Variants in SAMD4B observed in about 807,000 individuals in gnomAD.
The protein encoded by SAMD4B is protein Smaug homolog 2.
SAMD4B carries 5 observed loss-of-function variants against 74.5 expected under a neutral mutation model. The ratio of observed to expected loss-of-function variants is 0.07; its 90% CI spans 0.04 to 0.14. The LOEUF (loss-of-function observed/expected upper bound fraction) is 0.14, where lower values mean the gene tolerates loss of function less well. Among genes scored for constraint, SAMD4B ranks in the 10% least tolerant of loss-of-function variants. The pLI is 1.00. For synonymous variants in SAMD4B, 373 were observed against 374.9 expected (o/e 1.00, Z 0.06); for missense variants, 608 against 921.8 (o/e 0.66, Z 4.41).
At chr19:39,369,361 C>T in intron 3 of SAMD4B, 1 of 386,150 alleles carries the variant, frequency 2.6e-6, no homozygotes, top group South Asian at 2.8e-5. Context: ...TGGAGCAGGT[C>T]AAAACTCCCG....
chr19:39,377,881 A>G (rs535947203), intron 8 of SAMD4B, 57 bp downstream of exon 8: 3 of 1,485,686 alleles, frequency 2.0e-6, no homozygotes, highest in East Asian at 4.6e-5. Flanking sequence ...AGTGAACCCA[A>G]GCACCAGGGA....
downstream of SAMD4B, chr19:39,386,747 C>T (rs1383063502): frequency 1.2e-6 from 2 of 1,614,140 alleles, no homozygotes; most frequent in African/African-American, 1.3e-5. This position sits in a 1 kb window ranked among gnomAD's most constrained non-coding sequence, Gnocchi z 6.1. Context: ...ACAAGCAGGG[C>T]GTTGGTGCCT....
intron 12 of SAMD4B, among the ~76,000 whole-genome samples, chr19:39,382,047 G>A (rs2078024850): frequency 6.6e-6 from 1 of 152,204 alleles, no homozygotes; most frequent in Admixed American, 6.5e-5. Flanking sequence ...CACTGGGGCT[G>A]CAGAGACAGA....
rs561531923 is a variant in SAMD4B at position 39,385,680 on chromosome 19, A to C, written c.*2153A>C. 2.2e-4 allele frequency: 119 copies of C among 537,782 alleles called. No individual in the cohort carries two copies. Among genetic ancestry groups the C allele is most frequent in the Middle Eastern group, 4.8e-4 (1 of 2,080 alleles). 33.3% of individuals were successfully genotyped at this position (537,782 alleles called of 1,614,324 possible). On this transcript the variant is annotated 3_prime_UTR_variant, in exon 14 of 14. Coordinates refer to ENST00000610417, the MANE Select transcript of SAMD4B (RefSeq NM_001384574.2). ...GTCTGGGCTTATTTTGGAAAAAAAA[A>C]AAACAAACAAAAAAAACGAATTCTG...
rs985217411 is a variant in SAMD4B at position 39,375,333 on chromosome 19, C to T, written c.668-317C>T. 1.1e-4 allele frequency among the ~76,000 whole-genome samples: 16 copies of T among 152,064 alleles called. No homozygotes were observed. The highest frequency in any genetic ancestry group is 1.9e-4 in the Non-Finnish European group (13 of 68,012). On this transcript the variant is annotated intron_variant, in intron 4 of 13. Coordinates refer to ENST00000610417, the MANE Select transcript of SAMD4B (RefSeq NM_001384574.2). The surrounding 1 kb of genome is among the most constrained non-coding windows in gnomAD (Gnocchi z 4.1). The stretch of plus-strand genomic sequence containing the variant: ...GGACCTTTATGGCTGTTGTGAGGGG[C>T]GTGGACTGTAGGAGGCAAGAGTGAA...
chr19:39,386,148 T>C (rs775845767), downstream of SAMD4B: 3 of 1,614,184 alleles, frequency 1.9e-6, no homozygotes, highest in Admixed American at 1.7e-5. This position sits in a 1 kb window ranked among gnomAD's most constrained non-coding sequence, Gnocchi z 6.1. Context: ...GTCTGAATCA[T>C]TGTCACTGCC....
chr19:39,369,249 T>C, intron 3 of SAMD4B: 1 of 249,374 alleles, frequency 4.0e-6, no homozygotes, highest in Non-Finnish European at 7.9e-6. Context: ...TGTGCTATGC[T>C]GATTGGGTGT....
At chr19:39,381,211 A>G (rs1220055567) in intron 12 of SAMD4B, 98 bp downstream of exon 12, 48 of 1,399,372 alleles carry the variant, frequency 3.4e-5, no homozygotes, top group Admixed American at 6.7e-5. Context: ...TCTAGACTGC[A>G]TTGGCACCTC....
chr19:39,383,823 C>A lies in SAMD4B; in HGVS notation c.*296C>A. ...TTTCCTTCCTCATCCCCACCTGGTC[C>A]CATCCCACCCCTGCCTCCTCCAGAC... On this transcript the variant is annotated 3_prime_UTR_variant, in exon 14 of 14. Transcript: ENST00000610417. This position sits in a 1 kb window ranked among gnomAD's most constrained non-coding sequence, Gnocchi z 4.1. 9.4e-7 allele frequency: 1 copy of A among 1,058,548 alleles called. No individual in the cohort carries two copies. Among genetic ancestry groups the A allele is most frequent in the Non-Finnish European group, 1.4e-6 (1 of 732,958 alleles). The allele number at this position is 1,058,548 out of a possible 1,614,324, so 65.6% of individuals were successfully genotyped here.
chr19:39,378,638 G>A lies in SAMD4B; in HGVS notation c.1530+49G>A, dbSNP rs763669323. ...AAAAAGGGAAAGGCGGCCAGGCGTG[G>A]TGGTTCACGCCTGTAGTCCCAGCAC... On this transcript the variant is annotated intron_variant, in intron 9 of 13. Coordinates refer to ENST00000610417, the MANE Select transcript of SAMD4B (RefSeq NM_001384574.2). This position sits in a 1 kb window ranked among gnomAD's most constrained non-coding sequence, Gnocchi z 4.4. 1.9e-5 allele frequency: 29 copies of A among 1,524,582 alleles called. No individual in the cohort carries two copies. Among genetic ancestry groups the A allele is most frequent in the Non-Finnish European group, 2.4e-5 (26 of 1,100,754 alleles). 94.4% of individuals were successfully genotyped at this position (1,524,582 alleles called of 1,614,324 possible).
intron 3 of SAMD4B, chr19:39,369,343 T>C (rs960777525): frequency 8.3e-5 from 28 of 337,884 alleles, no homozygotes; most frequent in African/African-American, 6.0e-4. Context: ...ACTGGCCCAG[T>C]TTGGAAATGG....
In SAMD4B at chr19:39,383,480, CCTCCCTTT is replaced by C. The variant is rs761974955; in HGVS notation, c.2057-16_2057-9del. The stretch of plus-strand genomic sequence containing the variant: ...CTCCAGCTCCTGATCTTCCTCCCTT[CCTCCCTTT>C]CTTACCACAGATGGGACAGACAAAA... On this transcript the variant is annotated splice_polypyrimidine_tract_variant and intron_variant, in intron 13 of 13. Coordinates refer to ENST00000610417, the MANE Select transcript of SAMD4B (RefSeq NM_001384574.2). This position sits in a 1 kb window ranked among gnomAD's most constrained non-coding sequence, Gnocchi z 4.1. The C allele has an allele frequency of 1.2e-6, 2 of 1,613,234 alleles. No individual in the cohort carries two copies. Among genetic ancestry groups the C allele is most frequent in the South Asian group, 1.1e-5 (1 of 91,070 alleles).
At chr19:39,388,321 T>C (rs746768996), downstream of SAMD4B, 1 of 1,613,766 alleles carries the variant, frequency 6.2e-7, no homozygotes, top group Non-Finnish European at 8.5e-7. Flanking sequence ...GCTAATCAGA[T>C]AGGAGTGTGC....
chr19:39,378,612 CAAAAAG>C lies in SAMD4B; in HGVS notation c.1530+24_1530+29del. On this transcript the variant is annotated intron_variant, in intron 9 of 13. Coordinates refer to ENST00000610417, the MANE Select transcript of SAMD4B (RefSeq NM_001384574.2). The surrounding 1 kb of genome is among the most constrained non-coding windows in gnomAD (Gnocchi z 4.4). ...GAGGTAAGGCCTTCCCTAGCATACT[CAAAAAG>C]GGAAAGGCGGCCAGGCGTGGTGGTT... 1 of 1,607,372 alleles carries C rather than the reference CAAAAAG, an allele frequency of 6.2e-7. No individual in the cohort carries two copies. Among genetic ancestry groups the C allele is most frequent in the Non-Finnish European group, 8.5e-7 (1 of 1,174,190 alleles).
At position 39,383,475 on chromosome 19, in the gene SAMD4B, C is replaced by T; in HGVS notation, c.2057-24C>T. 1.9e-6 allele frequency: 3 copies of T among 1,612,140 alleles called. No homozygotes were observed. Among genetic ancestry groups the T allele is most frequent in the Non-Finnish European group, 2.5e-6 (3 of 1,178,132 alleles). On this transcript the variant is annotated intron_variant, in intron 13 of 13. Coordinates refer to ENST00000610417, the MANE Select transcript of SAMD4B (RefSeq NM_001384574.2). This position sits in a 1 kb window ranked among gnomAD's most constrained non-coding sequence, Gnocchi z 4.1. ...CCTCCCTCCAGCTCCTGATCTTCCTCCCTTCCTCCCTTTCTTACCACAGAT... is the reference window on the plus strand; with the variant it reads ...CCTCCCTCCAGCTCCTGATCTTCCTTCCTTCCTCCCTTTCTTACCACAGAT...
chr19:39,382,059 A>G (rs1333696699), intron 12 of SAMD4B, among the ~76,000 whole-genome samples: 4 of 152,104 alleles, frequency 2.6e-5, no homozygotes, highest in Non-Finnish European at 4.4e-5. Context: ...AGAGACAGAT[A>G]AGGCTCGTCT....
At chr19:39,356,334 A>G (rs369584334) in intron 2 of SAMD4B, among the ~76,000 whole-genome samples, 44 of 152,288 alleles carry the variant, frequency 2.9e-4, no homozygotes, top group African/African-American at 1.0e-3. Flanking sequence ...CCATCAATTC[A>G]TATCTTTTCT....
At chr19:39,364,303 TA>T (rs964184733) in intron 3 of SAMD4B, among the ~76,000 whole-genome samples, 1 of 152,148 alleles carries the variant, frequency 6.6e-6, no homozygotes, top group Non-Finnish European at 1.5e-5. Flanking sequence ...CTGCAAGGCC[TA>T]AACAACAGCG....
At chr19:39,361,493 G>A (rs2076645650) in intron 3 of SAMD4B, among the ~76,000 whole-genome samples, 2 of 151,898 alleles carry the variant, frequency 1.3e-5, no homozygotes, top group South Asian at 2.1e-4. Flanking sequence ...GTGGGTACCT[G>A]TAGTCCCAGC....
Sources: gnomAD v4.1 joint callset for allele counts (sites outside exome capture counted in the v4.1 genomes callset) on GRCh38, gnomAD v4.1.1 for gene constraint, Gnocchi (gnomAD v3.1) non-coding constraint, MANE v1.5 for transcripts, NCBI Gene and HGNC (gene_info 2026-07-23, HGNC 2026-07-21) for gene names.